The following NRXN3 variants were observed in gnomAD, a reference collection of about 807,000 sequenced individuals.
NRXN3 encodes the protein neurexin 3.
Under a neutral mutation model 137.6 loss-of-function variants are expected in NRXN3, and 32 were observed. The observed-to-expected ratio is 0.23, with a 90% CI of 0.18 to 0.31. The LOEUF is 0.31. Ranked by LOEUF, NRXN3 falls within the 10% of genes least tolerant of loss-of-function variation. The pLI is 1.00. For synonymous variants in NRXN3, 798 were observed against 784.5 expected, an observed-to-expected ratio of 1.02 and a Z score of -0.29; for missense variants, 1,574 against 2,062.5, an observed-to-expected ratio of 0.76 and a Z score of 4.59.
At chr14:78,315,441 A>G (rs35018455) in intron 4 of NRXN3, among the ~76,000 whole-genome samples, 20,907 of 152,272 alleles carry the variant, frequency 0.14, 1,859 homozygotes, top group Middle Eastern at 0.21. Context: ...AAATTATTCT[A>G]TGATCAGGTA....
chr14:78,318,944 G>T (rs184274420), intron 4 of NRXN3, among the ~76,000 whole-genome samples: 1 of 152,188 alleles, frequency 6.6e-6, no homozygotes, highest in Non-Finnish European at 1.5e-5. Context: ...CTTGTTATAC[G>T]CAGGTTCTGC....
At chr14:79,720,213 C>T (rs867544637) in intron 19 of NRXN3, among the ~76,000 whole-genome samples, 2 of 152,000 alleles carry the variant, frequency 1.3e-5, no homozygotes, top group African/African-American at 2.4e-5. Context: ...TGTGTGCAGG[C>T]GAGCTCCCAT....
At chr14:78,474,628 G>A (rs1308797823) in intron 4 of NRXN3, among the ~76,000 whole-genome samples, 1 of 150,198 alleles carries the variant, frequency 6.7e-6, no homozygotes, top group Non-Finnish European at 1.5e-5. Context: ...GGTTGCTAAG[G>A]GCATGAATAT....
chr14:79,861,092 A>G lies in NRXN3; in HGVS notation c.4094-250A>G, dbSNP rs1400098791. The G allele has an allele frequency of 1.0e-5, 15 of 1,438,906 alleles. No homozygotes were observed. In the South Asian group the frequency reaches 1.5e-4, roughly 14 times the overall value. 89.1% of individuals were successfully genotyped at this position (1,438,906 alleles called of 1,614,324 possible). A position where few individuals can be genotyped will look rare whatever the true frequency, so the allele number is the denominator to read the frequency against. The stretch of plus-strand genomic sequence containing the variant: ...AGAAGACCCTTTAGCTACCCCTCCT[A>G]TTGCTACTCGTGCACCTTCCATTAC... On this transcript the variant is annotated intron_variant, in intron 20 of 20. Transcript: ENST00000335750. The surrounding 1 kb of genome is among the most constrained non-coding windows in gnomAD (Gnocchi z 5.4).
intron 20 of NRXN3, among the ~76,000 whole-genome samples, chr14:79,824,402 G>A (rs991521857): frequency 7.9e-5 from 2 of 25,282 alleles, no homozygotes; most frequent in African/African-American, 2.5e-4. Flanking sequence ...GTTTTTTGAT[G>A]GTTTTTTTTT....
At chr14:79,713,126 C>T (rs1030168341) in intron 19 of NRXN3, among the ~76,000 whole-genome samples, 3 of 149,468 alleles carry the variant, frequency 2.0e-5, no homozygotes, top group Non-Finnish European at 4.4e-5. Flanking sequence ...GTTGACATCA[C>T]AGTTTGGTGT....
chr14:78,499,524 C>A (rs1354835686), intron 4 of NRXN3, among the ~76,000 whole-genome samples: 2 of 152,160 alleles, frequency 1.3e-5, no homozygotes, highest in South Asian at 4.1e-4. Flanking sequence ...TTATCTTTTG[C>A]TGTTTAACAC....
intron 16 of NRXN3, among the ~76,000 whole-genome samples, chr14:79,509,422 A>G (rs1027485535): frequency 6.6e-6 from 1 of 152,010 alleles, no homozygotes; most frequent in Non-Finnish European, 1.5e-5. Context: ...AGGCTGAGGC[A>G]GGAGAATGGC....
intron 2 of NRXN3, among the ~76,000 whole-genome samples, chr14:78,273,658 A>G (rs2073129089): frequency 6.6e-6 from 1 of 152,200 alleles, no homozygotes; most frequent in Non-Finnish European, 1.5e-5. Flanking sequence ...GCCAGAGGAA[A>G]TACATAGGTA....
At chr14:78,726,213 T>C (rs2098482634) in intron 8 of NRXN3, among the ~76,000 whole-genome samples, 1 of 152,212 alleles carries the variant, frequency 6.6e-6, no homozygotes, top group South Asian at 2.1e-4. Context: ...TATTATACTT[T>C]AAGTTCTGGG....
rs1200079049 is a variant in NRXN3 at position 79,865,679 on chromosome 14, G to A, written c.*3715G>A. On this transcript the variant is annotated 3_prime_UTR_variant, in exon 21 of 21. Transcript: ENST00000335750. ...GAGATGGAGTCTTGCAGCCTACAGT[G>A]CAGTGGCATGATATTGGCTCACTGC... 2 of 152,088 alleles carry A rather than the reference G, an allele frequency of 1.3e-5. No individual in the cohort carries two copies. The highest frequency in any genetic ancestry group is 6.5e-5 in the Admixed American group (1 of 15,272). 9.4% of individuals were successfully genotyped at this position (152,088 alleles called of 1,614,324 possible).
At chr14:78,635,991 A>C (rs2097563874) in intron 4 of NRXN3, among the ~76,000 whole-genome samples, 2 of 152,248 alleles carry the variant, frequency 1.3e-5, no homozygotes, top group South Asian at 4.2e-4. Flanking sequence ...TTATCCCTCC[A>C]GTCACAGTGA....
chr14:79,765,578 G>A (rs562584525), intron 19 of NRXN3, among the ~76,000 whole-genome samples: 10 of 152,256 alleles, frequency 6.6e-5, no homozygotes, highest in East Asian at 1.9e-4. Flanking sequence ...TGCCTTCACC[G>A]TGCTCTATTT....
intron 19 of NRXN3, among the ~76,000 whole-genome samples, chr14:79,782,872 C>A (rs576453355): frequency 6.6e-6 from 1 of 152,210 alleles, no homozygotes; most frequent in South Asian, 2.1e-4. Context: ...AGTGGTCTAC[C>A]TTGACCCAGA....
intron 20 of NRXN3, among the ~76,000 whole-genome samples, chr14:79,815,069 C>T (rs1292027820): frequency 1.3e-5 from 2 of 152,104 alleles, no homozygotes; most frequent in Non-Finnish European, 2.9e-5. Context: ...TTTCCCATTC[C>T]AGAGAACACG....
intron 4 of NRXN3, among the ~76,000 whole-genome samples, chr14:78,604,335 A>T (rs1371441219): frequency 2.0e-5 from 3 of 147,748 alleles, no homozygotes; most frequent in Admixed American, 2.0e-4. Flanking sequence ...AGTATCGTTT[A>T]TTCACTCACT....
intron 15 of NRXN3, among the ~76,000 whole-genome samples, chr14:79,190,257 T>A (rs568280048): frequency 6.6e-6 from 1 of 152,296 alleles, no homozygotes; most frequent in South Asian, 2.1e-4. Context: ...TGACAGTCAG[T>A]AAAATATCAG....
intron 15 of NRXN3, among the ~76,000 whole-genome samples, chr14:79,244,508 A>G (rs1448011892): frequency 2.0e-5 from 3 of 152,170 alleles, no homozygotes; most frequent in Non-Finnish European, 4.4e-5. Context: ...GTGGGGGGTG[A>G]CAAGGTTAGG....
rs60944318 is a variant in NRXN3 at position 79,469,217 on chromosome 14, T to C, written c.3444+1815T>C. Among the ~76,000 whole-genome samples the C allele has an allele frequency of 5.3e-5, 8 of 152,220 alleles. 1 individual carries two copies. The highest frequency in any genetic ancestry group is 1.9e-4 in the African/African-American group (8 of 41,464). ...CTTTTTGAGTCAAATAGTGTACTATTGTTTTATCCATTCCTGCTCATTCAT... is the reference window on the plus strand; with the variant it reads ...CTTTTTGAGTCAAATAGTGTACTATCGTTTTATCCATTCCTGCTCATTCAT... On this transcript the variant is annotated intron_variant, in intron 16 of 20. Coordinates refer to ENST00000335750, the MANE Select transcript of NRXN3 (RefSeq NM_001330195.2).
Sources: allele counts gnomAD v4.1 joint callset (sites outside exome capture counted in the v4.1 genomes callset), GRCh38; gene constraint gnomAD v4.1.1; non-coding constraint Gnocchi (gnomAD v3.1); transcripts MANE v1.5; gene names NCBI Gene and HGNC (gene_info 2026-07-23, HGNC 2026-07-21).